VPS41: variants seen among roughly 807,000 people sequenced by gnomAD.
The protein encoded by VPS41 is vacuolar protein sorting-associated protein 41 homolog.
In VPS41, 85 loss-of-function variants were observed where a neutral mutation model predicts 130.9. That is an observed-to-expected ratio of 0.65 (90% CI 0.55 to 0.78). VPS41 has a LOEUF of 0.78. Among genes scored for constraint, VPS41 ranks in the 30% least tolerant of loss-of-function variants. The probability of loss-of-function intolerance (pLI) is 0.00; values close to 1 mark genes in which losing one functional copy is unlikely to be tolerated. For missense variants in VPS41, 874 were observed against 1,018.7 expected, an observed-to-expected ratio of 0.86 and a Z score of 1.93; for synonymous variants, 335 against 332.9, an observed-to-expected ratio of 1.01 and a Z score of -0.07.
At chr7:38,862,499 T>G in intron 4 of VPS41, 46 bp downstream of exon 4, 1 of 1,209,580 alleles carries the variant, frequency 8.3e-7, no homozygotes, top group Non-Finnish European at 1.2e-6. Context: ...ACACAAATAC[T>G]TAACATGAAG....
rs139344244 is a variant in VPS41 at position 38,780,708 on chromosome 7, G to A, written c.785-3932C>T. Among the ~76,000 whole-genome samples, 105 of 152,268 alleles carry A rather than the reference G, an allele frequency of 6.9e-4. 1 individual carries two copies. Among genetic ancestry groups the A allele is most frequent in the African/African-American group, 2.1e-3 (88 of 41,564 alleles). ...TAATTTAAAATTTCCCAGTAGCCAC[G>A]TGCTATAGCTTGGATGTGTGGCCCT... On this transcript the variant is annotated intron_variant, in intron 10 of 28. Transcript: ENST00000310301.
At chr7:38,791,807 G>C (rs1344748767) in intron 9 of VPS41, among the ~76,000 whole-genome samples, 1 of 152,146 alleles carries the variant, frequency 6.6e-6, no homozygotes, top group African/African-American at 2.4e-5. Context: ...CATCTGACCT[G>C]CACTTAGATT....
intron 4 of VPS41, among the ~76,000 whole-genome samples, chr7:38,837,187 C>G (rs1158305606): frequency 6.8e-6 from 1 of 147,292 alleles, no homozygotes; most frequent in Non-Finnish European, 1.5e-5. Context: ...GGGGGCTGGC[C>G]AGACCAGACA....
intron 10 of VPS41, among the ~76,000 whole-genome samples, chr7:38,788,177 C>T (rs1784473059): frequency 6.6e-6 from 1 of 152,154 alleles, no homozygotes; most frequent in African/African-American, 2.4e-5. Context: ...GATATTATCA[C>T]CTCCATTTAA....
At chr7:38,784,863 C>T (rs1402991305) in intron 10 of VPS41, among the ~76,000 whole-genome samples, 2 of 151,940 alleles carry the variant, frequency 1.3e-5, no homozygotes, top group Non-Finnish European at 2.9e-5. Context: ...CCTCTTTTCC[C>T]CCATTTCTTA....
chr7:38,895,999 G>C (rs936116121), intron 2 of VPS41, among the ~76,000 whole-genome samples: 4 of 152,148 alleles, frequency 2.6e-5, no homozygotes, highest in African/African-American at 7.2e-5. Context: ...CTCCAGAGCC[G>C]ACTCTGCTGG....
chr7:38,754,356 T>C (rs1022291388), intron 21 of VPS41, among the ~76,000 whole-genome samples: 1 of 152,218 alleles, frequency 6.6e-6, no homozygotes, highest in Non-Finnish European at 1.5e-5. Flanking sequence ...AGAGTGCTTA[T>C]TCCTAGACAC....
At chr7:38,742,316 CGCTCCTTA>C (rs1795897836) in intron 24 of VPS41, among the ~76,000 whole-genome samples, 195 bp from the exon 25 acceptor site, 1 of 152,170 alleles carries the variant, frequency 6.6e-6, no homozygotes, top group South Asian at 2.1e-4. Flanking sequence ...CAAGAACTAA[CGCTCCTTA>C]AGACATGAAG....
intron 7 of VPS41, among the ~76,000 whole-genome samples, chr7:38,806,110 TTATA>T (rs1317487832): frequency 1.3e-5 from 2 of 152,236 alleles, no homozygotes; most frequent in African/African-American, 4.8e-5. Flanking sequence ...TGGAGTATCT[TTATA>T]TATCAGATTG....
At chr7:38,869,050 TA>T in intron 3 of VPS41, 95 bp downstream of exon 3, 1 of 920,522 alleles carries the variant, frequency 1.1e-6, no homozygotes. Flanking sequence ...AGAATCACTG[TA>T]AAAAGCCACC....
Position 38,869,272 on chromosome 7 carries a change from A to G in VPS41, c.61-19T>C, listed in dbSNP as rs1256364673. 1.0e-5 allele frequency: 16 copies of G among 1,560,344 alleles called. No individual in the cohort carries two copies. In the East Asian group the frequency reaches 1.3e-4, roughly 13 times the overall value. On this transcript the variant is annotated intron_variant, in intron 2 of 28. Coordinates refer to ENST00000310301, the MANE Select transcript of VPS41 (RefSeq NM_014396.4). ...CTTCTTCCTGCACAAACGGCAAAGAAAAATGACACCCGTCAGAGATTTATT... is the reference window on the plus strand; with the variant it reads ...CTTCTTCCTGCACAAACGGCAAAGAGAAATGACACCCGTCAGAGATTTATT...
At position 38,832,319 on chromosome 7, in the gene VPS41, C is replaced by CTTTTTT. The variant is rs543207806; in HGVS notation, c.247-1997_247-1992dup. On this transcript the variant is annotated intron_variant, in intron 4 of 28. Transcript: ENST00000310301. ...ATTTCAGAATTCATTTTCTTTCTTT[C>CTTTTTT]TTTTTTTTTTTTTTTTTTTGAGACA... 3.0e-3 allele frequency among the ~76,000 whole-genome samples: 339 copies of CTTTTTT among 114,692 alleles called. 2 individuals carry two copies. Among genetic ancestry groups the CTTTTTT allele is most frequent in the Non-Finnish European group, 4.8e-3 (275 of 57,236 alleles). The allele number at this position is 114,692 out of a possible 152,430, so 75.2% of individuals were successfully genotyped here. A position where few individuals can be genotyped will look rare whatever the true frequency, so the allele number is the denominator to read the frequency against.
At chr7:38,865,815 T>A (rs1373845902) in intron 3 of VPS41, among the ~76,000 whole-genome samples, 1 of 152,022 alleles carries the variant, frequency 6.6e-6, no homozygotes, top group Non-Finnish European at 1.5e-5. Context: ...GGTCAGCTAA[T>A]AAGAGGCATT....
intron 25 of VPS41, among the ~76,000 whole-genome samples, chr7:38,737,047 T>C (rs539729767): frequency 6.6e-6 from 1 of 152,208 alleles, no homozygotes; most frequent in South Asian, 2.1e-4. Context: ...CTTAGATTGG[T>C]AGCTGGGGAG....
At chr7:38,848,921 G>A (rs773629273) in intron 4 of VPS41, among the ~76,000 whole-genome samples, 6 of 152,260 alleles carry the variant, frequency 3.9e-5, no homozygotes, top group Non-Finnish European at 7.4e-5. Context: ...CAGGAGCTAA[G>A]GAAAGAAAAT....
At position 38,724,203 on chromosome 7, in the gene VPS41, C is replaced by A. The variant is rs994875060; in HGVS notation, c.*2043G>T. The A allele has an allele frequency of 6.6e-6, 1 of 152,112 alleles. No homozygotes were observed. The highest frequency in any genetic ancestry group is 1.5e-5 in the Non-Finnish European group (1 of 68,022). The allele number at this position is 152,112 out of a possible 1,614,324, so 9.4% of individuals were successfully genotyped here. A position where few individuals can be genotyped will look rare whatever the true frequency, so the allele number is the denominator to read the frequency against. ...AGGACTTGGTAACTAGGATAATTTA[C>A]CCCTGAAGCAAAATGACTTCACTGA... On this transcript the variant is annotated 3_prime_UTR_variant, in exon 29 of 29. Coordinates refer to ENST00000310301, the MANE Select transcript of VPS41 (RefSeq NM_014396.4).
intron 7 of VPS41, among the ~76,000 whole-genome samples, chr7:38,816,115 T>A (rs2116091994): frequency 6.6e-6 from 1 of 152,308 alleles, no homozygotes; most frequent in Non-Finnish European, 1.5e-5. Flanking sequence ...GTAAGGTAGT[T>A]ATTTTTTCAG....
intron 17 of VPS41, among the ~76,000 whole-genome samples, chr7:38,761,876 CGT>C (rs1242380743): frequency 6.6e-6 from 1 of 152,064 alleles, no homozygotes; most frequent in East Asian, 1.9e-4. Flanking sequence ...TGTGAGCCAC[CGT>C]GACAGCCCTG....
chr7:38,782,893 G>A (rs112052643), intron 10 of VPS41, among the ~76,000 whole-genome samples: 174 of 152,260 alleles, frequency 1.1e-3, no homozygotes, highest in Non-Finnish European at 2.1e-3. Flanking sequence ...GAGGTGGACG[G>A]ATCACTTGAG....
Sources: allele counts gnomAD v4.1 joint callset (sites outside exome capture counted in the v4.1 genomes callset), GRCh38; gene constraint gnomAD v4.1.1; transcripts MANE v1.5; gene names NCBI Gene and HGNC (gene_info 2026-07-23, HGNC 2026-07-21).